COG6: variants seen among roughly 807,000 people sequenced by gnomAD.
COG6 encodes the protein component of oligomeric golgi complex 6, also known as conserved oligomeric Golgi complex subunit 6.
COG6 carries 74 observed loss-of-function variants against 88.8 expected under a neutral mutation model. The observed-to-expected ratio is 0.83, with a 90% CI of 0.69 to 1.01. COG6 has a LOEUF of 1.01. COG6 is among the 50% of genes least tolerant of loss of function. The probability of loss-of-function intolerance (pLI) is 0.00; values close to 1 mark genes in which losing one functional copy is unlikely to be tolerated. For synonymous variants in COG6, 286 were observed against 278.7 expected, an observed-to-expected ratio of 1.03 and a Z score of -0.26; for missense variants, 800 against 797.9, an observed-to-expected ratio of 1.00 and a Z score of -0.03.
intron 18 of COG6, among the ~76,000 whole-genome samples, chr13:39,771,618 C>G (rs1219701735): frequency 1.3e-5 from 2 of 152,248 alleles, no homozygotes; most frequent in Non-Finnish European, 2.9e-5. Context: ...ACATTTAACT[C>G]CACTGGCCTT....
At position 39,776,731 on chromosome 13, in the gene COG6, G is replaced by GACTCAGGTTATAGGGAATTTACC. The variant is rs547668797; in HGVS notation, c.1827-11600_1827-11578dup. ...CGGTTTGTCTGGTCTGGTCTTTAGTGACTCAGGTTATAGGGAATTTACCAC... is the reference window on the plus strand; with the variant it reads ...CGGTTTGTCTGGTCTGGTCTTTAGTGACTCAGGTTATAGGGAATTTACCACTCAGGTTATAGGGAATTTACCAC... On this transcript the variant is annotated intron_variant, in intron 18 of 18. Transcript: ENST00000416691. Among the ~76,000 whole-genome samples, 315 of 152,308 alleles carry GACTCAGGTTATAGGGAATTTACC rather than the reference G, an allele frequency of 2.1e-3. 3 individuals carry two copies. Among genetic ancestry groups the GACTCAGGTTATAGGGAATTTACC allele is most frequent in the Middle Eastern group, 0.014 (4 of 294 alleles).
At position 39,694,645 on chromosome 13, in the gene COG6, G is replaced by A; in HGVS notation, c.1086G>A (p.Glu362=). The change falls in exon 12 of 19, where the codon GAG becomes GAA. Residue 362 remains glutamate, a synonymous_variant. Transcript: ENST00000455146. The part of the protein sequence containing the change: ...GVCRPLKVRI[E]QVIVAEPGAV... ...ACATATTTTAATAGGTTCGAATTGA[G>A]CAAGTAATAGTTGCTGAACCTGGGG... is the stretch of plus-strand genomic sequence containing the variant. 6.3e-7 allele frequency: 1 copy of A among 1,591,788 alleles called. No homozygotes were observed. The highest frequency in any genetic ancestry group is 8.6e-7 in the Non-Finnish European group (1 of 1,161,724).
chr13:39,719,128 A>T, intron 13 of COG6, 108 bp from the exon 14 acceptor site: 1 of 1,018,920 alleles, frequency 9.8e-7, no homozygotes, highest in South Asian at 1.3e-5. Context: ...CTAATGTGTG[A>T]GTCTGTGCTT....
intron 7 of COG6, among the ~76,000 whole-genome samples, chr13:39,680,736 C>T (rs939884085): frequency 4.6e-5 from 7 of 152,276 alleles, no homozygotes; most frequent in South Asian, 2.1e-4. Flanking sequence ...CTTCGGCTTG[C>T]GGCCCCTTCC....
intron 18 of COG6, among the ~76,000 whole-genome samples, chr13:39,737,589 C>T (rs894742210): frequency 2.0e-5 from 3 of 150,768 alleles, no homozygotes; most frequent in Non-Finnish European, 4.4e-5. Context: ...GAGTCTTACC[C>T]GGAGCTACAA....
chr13:39,729,263 C>G (rs1215694437), intron 18 of COG6, among the ~76,000 whole-genome samples: 2 of 152,090 alleles, frequency 1.3e-5, no homozygotes, highest in East Asian at 3.9e-4. Context: ...GTTATGTGCT[C>G]CTTATGAGAT....
At chr13:39,763,703 C>T (rs1320728926) in intron 18 of COG6, among the ~76,000 whole-genome samples, 1 of 151,738 alleles carries the variant, frequency 6.6e-6, no homozygotes, top group Non-Finnish European at 1.5e-5. Flanking sequence ...TGTGCCTCCC[C>T]CCTTTTACTT....
At chr13:39,760,578 T>A (rs1880979768) in intron 18 of COG6, among the ~76,000 whole-genome samples, 1 of 152,112 alleles carries the variant, frequency 6.6e-6, no homozygotes, top group African/African-American at 2.4e-5. Flanking sequence ...TATTAATAGG[T>A]TAATATAATG....
intron 18 of COG6, among the ~76,000 whole-genome samples, chr13:39,774,256 C>G (rs1881399792): frequency 6.6e-6 from 1 of 152,128 alleles, no homozygotes; most frequent in Admixed American, 6.5e-5. Flanking sequence ...ATTTTGAAGT[C>G]TTCTTTTTGC....
intron 13 of COG6, among the ~76,000 whole-genome samples, chr13:39,702,282 A>G (rs958930924): frequency 1.3e-5 from 2 of 152,026 alleles, no homozygotes; most frequent in African/African-American, 4.8e-5. Flanking sequence ...AACATGAAAA[A>G]ATATGGAAAG....
At chr13:39,779,083 C>G (rs1182183254) in intron 18 of COG6, among the ~76,000 whole-genome samples, 1 of 152,228 alleles carries the variant, frequency 6.6e-6, no homozygotes, top group African/African-American at 2.4e-5. Flanking sequence ...CTACTGTAAA[C>G]TGTCACACTG....
chr13:39,680,646 G>T (rs768624983), intron 7 of COG6, among the ~76,000 whole-genome samples: 10 of 152,192 alleles, frequency 6.6e-5, no homozygotes, highest in Non-Finnish European at 1.3e-4. Flanking sequence ...TCAGTTCCTT[G>T]TGTTTGCAGC....
intron 13 of COG6, 141 bp downstream of exon 13, chr13:39,699,759 T>C: frequency 4.8e-6 from 3 of 627,660 alleles, no homozygotes; most frequent in Non-Finnish European, 8.7e-6. Context: ...AACTTTCATT[T>C]TGAGATGGCT....
rs549320888 is a variant in COG6, at chr13:39,684,350, C to T, written c.788+2086C>T. Reference sequence around the variant, plus strand: ...TGCAGGCTCCGCCCCCTGGGGTTCACGCCATTCTCCTGCCTCAGCCTCCCG... The same window carrying T: ...TGCAGGCTCCGCCCCCTGGGGTTCATGCCATTCTCCTGCCTCAGCCTCCCG... On this transcript the variant is annotated intron_variant, in intron 8 of 18. Transcript: ENST00000455146. Among the ~76,000 whole-genome samples the T allele has an allele frequency of 1.3e-4, 19 of 145,502 alleles. No individual in the cohort carries two copies. In the East Asian group the frequency reaches 2.8e-3, roughly 22 times the overall value.
At chr13:39,770,366 C>T (rs565612380) in intron 18 of COG6, among the ~76,000 whole-genome samples, 23 of 152,276 alleles carry the variant, frequency 1.5e-4, no homozygotes, top group Non-Finnish European at 2.9e-4. Flanking sequence ...TTTCACAAAG[C>T]GCATTCATGT....
chr13:39,770,429 T>C (rs1881287003), intron 18 of COG6, among the ~76,000 whole-genome samples: 1 of 152,216 alleles, frequency 6.6e-6, no homozygotes, highest in Admixed American at 6.5e-5. Flanking sequence ...ATGTTATTTC[T>C]CATTCAATTT....
intron 4 of COG6, among the ~76,000 whole-genome samples, chr13:39,671,973 CAGTGT>C (rs1464183861): frequency 6.6e-6 from 1 of 151,938 alleles, no homozygotes; most frequent in East Asian, 1.9e-4. Flanking sequence ...ATAGCAAAGG[CAGTGT>C]ATTAATGCTC....
chr13:39,714,278 A>C (rs1878403469), intron 13 of COG6, among the ~76,000 whole-genome samples: 1 of 152,134 alleles, frequency 6.6e-6, no homozygotes, highest in Non-Finnish European at 1.5e-5. Flanking sequence ...AAAATAAATA[A>C]ATGGGATCTA....
At chr13:39,708,465 G>A (rs140578841) in intron 13 of COG6, among the ~76,000 whole-genome samples, 2 of 152,200 alleles carry the variant, frequency 1.3e-5, no homozygotes, top group African/African-American at 4.8e-5. Flanking sequence ...CTATCTCAAG[G>A]TCATGAGGAC....
Sources: gnomAD v4.1 joint callset for allele counts (sites outside exome capture counted in the v4.1 genomes callset) on GRCh38, gnomAD v4.1.1 for gene constraint, MANE v1.5 for transcripts, NCBI Gene and HGNC (gene_info 2026-07-23, HGNC 2026-07-21) for gene names.